The following VAV3 variants were observed in gnomAD, a reference collection of about 807,000 sequenced individuals.
VAV3 encodes vav guanine nucleotide exchange factor 3.
VAV3 carries 94 observed loss-of-function variants against 131.2 expected under a neutral mutation model. That is an observed-to-expected ratio of 0.72 (90% CI 0.61 to 0.85). The LOEUF (loss-of-function observed/expected upper bound fraction) is 0.85, where lower values mean the gene tolerates loss of function less well. VAV3 is among the 40% of genes least tolerant of loss of function. The pLI is 0.00. For missense variants in VAV3, 939 were observed against 1,002.7 expected (o/e 0.94, Z 0.86); for synonymous variants, 349 against 342.0 (o/e 1.02, Z -0.22).
intron 7 of VAV3, among the ~76,000 whole-genome samples, chr1:107,767,503 A>ACC (rs1465167511): frequency 6.6e-6 from 1 of 152,196 alleles, no homozygotes; most frequent in Non-Finnish European, 1.5e-5. Context: ...TTAGTGCTAA[A>ACC]CCTTCAGCTG....
chr1:107,822,430 G>A (rs1222769062), intron 2 of VAV3, among the ~76,000 whole-genome samples: 5 of 152,004 alleles, frequency 3.3e-5, no homozygotes, highest in Non-Finnish European at 5.9e-5. Context: ...CAAGGCAGGC[G>A]GATCACGAGG....
chr1:107,713,593 A>T (rs1016175230), intron 15 of VAV3, among the ~76,000 whole-genome samples: 1 of 152,176 alleles, frequency 6.6e-6, no homozygotes, highest in Non-Finnish European at 1.5e-5. Context: ...GTACATTTAA[A>T]TAACAAGACA....
At chr1:107,730,531 GATAAA>G (rs1381463233) in intron 15 of VAV3, among the ~76,000 whole-genome samples, 1 of 152,174 alleles carries the variant, frequency 6.6e-6, no homozygotes, top group Non-Finnish European at 1.5e-5. Flanking sequence ...ATTAGACTGT[GATAAA>G]ATAAAGTGAT....
Position 107,745,923 on chromosome 1 carries a change from G to A in VAV3, c.1502+3045C>T, listed in dbSNP as rs535034847. Among the ~76,000 whole-genome samples, 39 of 152,254 alleles carry A rather than the reference G, an allele frequency of 2.6e-4. 1 individual carries two copies. In the South Asian group the frequency reaches 5.8e-3, roughly 23 times the overall value. ...CACTCTAGGGGAACTCAAGGGACTC[G>A]TGTTGATACTAAAGACACTGGGAAG... On this transcript the variant is annotated intron_variant, in intron 15 of 26. Transcript: ENST00000370056.
chr1:107,695,788 T>C (rs750955828), intron 17 of VAV3, among the ~76,000 whole-genome samples: 1 of 152,016 alleles, frequency 6.6e-6, no homozygotes, highest in Non-Finnish European at 1.5e-5. Flanking sequence ...TCAAGGAGGA[T>C]GATTAGCAGT....
intron 1 of VAV3, among the ~76,000 whole-genome samples, chr1:107,875,775 G>A (rs769559801): frequency 7.9e-5 from 12 of 152,194 alleles, no homozygotes; most frequent in Non-Finnish European, 1.6e-4. Context: ...CGGAGCTAGG[G>A]TGGAGGCAGG....
chr1:107,709,038 A>G (rs1273715910), intron 15 of VAV3, among the ~76,000 whole-genome samples: 1 of 152,168 alleles, frequency 6.6e-6, no homozygotes, highest in Admixed American at 6.6e-5. Flanking sequence ...AGATAGGTTT[A>G]CTGGGGCCAG....
intron 15 of VAV3, among the ~76,000 whole-genome samples, chr1:107,748,306 T>C (rs1005964019): frequency 6.6e-6 from 1 of 152,216 alleles, no homozygotes; most frequent in African/African-American, 2.4e-5. Context: ...CTTTCAATCC[T>C]TAAACATCAA....
chr1:107,860,579 T>TTTAATAGAAAGCCATTTC (rs1277992472), intron 2 of VAV3, among the ~76,000 whole-genome samples: 2 of 151,648 alleles, frequency 1.3e-5, no homozygotes, highest in Non-Finnish European at 1.5e-5. Flanking sequence ...TGTCCCTTTC[T>TTTAATAGAAAGCCATTTC]TTAAATGGCT....
intron 1 of VAV3, among the ~76,000 whole-genome samples, chr1:107,934,268 T>C (rs1367991011): frequency 6.6e-6 from 1 of 152,196 alleles, no homozygotes; most frequent in Non-Finnish European, 1.5e-5. Flanking sequence ...CTGGATGTCA[T>C]CTATTAATAT....
At chr1:107,680,508 T>A (rs1178863880) in intron 19 of VAV3, among the ~76,000 whole-genome samples, 6 of 152,106 alleles carry the variant, frequency 3.9e-5, no homozygotes, top group Non-Finnish European at 5.9e-5. Context: ...ACTGGGCACC[T>A]TTGAGAGTAC....
chr1:107,786,699 T>C (rs929591539), intron 2 of VAV3, among the ~76,000 whole-genome samples: 6 of 152,152 alleles, frequency 3.9e-5, no homozygotes, highest in African/African-American at 1.4e-4. Context: ...CACATAGAAC[T>C]GAAAGAGTTC....
chr1:107,667,540 G>T (rs6583040), intron 19 of VAV3, among the ~76,000 whole-genome samples: 24,375 of 151,920 alleles, frequency 0.16, 2,306 homozygotes, highest in South Asian at 0.26. Flanking sequence ...TTATGATAAG[G>T]TTTATTGCTA....
At chr1:107,772,892 G>A (rs1467240318) in intron 4 of VAV3, 49 bp from the exon 5 acceptor site, 1 of 1,478,596 alleles carries the variant, frequency 6.8e-7, no homozygotes, top group Admixed American at 1.8e-5. Context: ...TGCAGTAAAT[G>A]CAATAGCTAC....
chr1:107,622,873 T>G (rs1483379343), intron 20 of VAV3, among the ~76,000 whole-genome samples: 1 of 152,074 alleles, frequency 6.6e-6, no homozygotes, highest in Non-Finnish European at 1.5e-5. Flanking sequence ...TATACACAAA[T>G]TAGTTTATTG....
chr1:107,772,695 A>G, intron 5 of VAV3, 40 bp downstream of exon 5: 1 of 1,528,322 alleles, frequency 6.5e-7, no homozygotes, highest in South Asian at 1.2e-5. Context: ...TTTCCTAATA[A>G]AATATTCAGA....
chr1:107,769,211 G>A (rs768007112), intron 6 of VAV3, among the ~76,000 whole-genome samples: 1 of 152,108 alleles, frequency 6.6e-6, no homozygotes, highest in Non-Finnish European at 1.5e-5. Context: ...TATACTCCAT[G>A]AATCACTTCC....
intron 1 of VAV3, among the ~76,000 whole-genome samples, chr1:107,958,831 T>C (rs1305734129): frequency 6.6e-6 from 1 of 152,122 alleles, no homozygotes; most frequent in African/African-American, 2.4e-5. Flanking sequence ...CCTGTGCCCA[T>C]ATGTTCTCAT....
At chr1:107,608,369 A>G (rs1163446861) in intron 22 of VAV3, among the ~76,000 whole-genome samples, 1 of 152,222 alleles carries the variant, frequency 6.6e-6, no homozygotes, top group Non-Finnish European at 1.5e-5. Flanking sequence ...ATGGTATAAG[A>G]GAAGAAACCT....
Sources: allele counts gnomAD v4.1 joint callset (sites outside exome capture counted in the v4.1 genomes callset), GRCh38; gene constraint gnomAD v4.1.1; transcripts MANE v1.5; gene names NCBI Gene and HGNC (gene_info 2026-07-23, HGNC 2026-07-21).